CSMD1: variants seen among roughly 807,000 people sequenced by gnomAD.
CSMD1 encodes CUB and sushi domain-containing protein 1.
A neutral mutation model predicts 417.5 loss-of-function variants in CSMD1; 213 were observed. The observed-to-expected ratio is 0.51, with a 90% CI of 0.46 to 0.57. The LOEUF is 0.57. Among genes scored for constraint, CSMD1 ranks in the 20% least tolerant of loss-of-function variants. The pLI, the probability that CSMD1 is intolerant of heterozygous loss-of-function variation, is 0.00. For synonymous variants in CSMD1, 2,862 were observed against 1,736.8 expected (o/e 1.65, Z -16.11); for missense variants, 6,923 against 4,529.7 (o/e 1.53, Z -15.17).
chr8:4,664,231 A>G (rs1395100266), intron 1 of CSMD1, among the ~76,000 whole-genome samples: 1 of 152,208 alleles, frequency 6.6e-6, no homozygotes, highest in Non-Finnish European at 1.5e-5. Context: ...ACATTTAAGA[A>G]ACACTAAAAT....
intron 2 of CSMD1, among the ~76,000 whole-genome samples, chr8:4,608,881 T>C (rs550381474): frequency 6.6e-6 from 1 of 152,344 alleles, no homozygotes; most frequent in East Asian, 1.9e-4. Context: ...CATTTGTTTG[T>C]TCTTTTAAAA....
intron 26 of CSMD1, among the ~76,000 whole-genome samples, chr8:3,245,467 G>C (rs901513791): frequency 6.6e-6 from 1 of 152,156 alleles, no homozygotes; most frequent in Non-Finnish European, 1.5e-5. Context: ...CAGTTCCTTT[G>C]AAATGTATGT....
At chr8:3,496,699 G>A (rs1435475001) in intron 10 of CSMD1, among the ~76,000 whole-genome samples, 1 of 152,008 alleles carries the variant, frequency 6.6e-6, no homozygotes. Flanking sequence ...GGTGGCGTGT[G>A]CCTATAGCCC....
chr8:3,112,727 A>C (rs1455847737), intron 42 of CSMD1, among the ~76,000 whole-genome samples: 1 of 152,214 alleles, frequency 6.6e-6, no homozygotes, highest in Non-Finnish European at 1.5e-5. Flanking sequence ...AGAGATATTA[A>C]GCAAACACTA....
intron 1 of CSMD1, among the ~76,000 whole-genome samples, chr8:4,780,882 C>G (rs1317979287): frequency 6.6e-6 from 1 of 152,212 alleles, no homozygotes; most frequent in African/African-American, 2.4e-5. Context: ...ATCCAGTTCA[C>G]TGAAAACGCT....
intron 7 of CSMD1, among the ~76,000 whole-genome samples, chr8:3,618,256 T>C (rs1430684030): frequency 6.6e-6 from 1 of 152,158 alleles, no homozygotes; most frequent in Non-Finnish European, 1.5e-5. Context: ...ACTCGCACTG[T>C]GGCCTCCTAA....
At chr8:4,965,449 G>A (rs149553674) in intron 1 of CSMD1, among the ~76,000 whole-genome samples, 2 of 152,226 alleles carry the variant, frequency 1.3e-5, no homozygotes, top group East Asian at 1.9e-4. Context: ...AGTTGTCTCA[G>A]TGATAATGCA....
At chr8:4,506,725 G>A (rs1802545264) in intron 2 of CSMD1, among the ~76,000 whole-genome samples, 1 of 152,144 alleles carries the variant, frequency 6.6e-6, no homozygotes, top group Admixed American at 6.6e-5. Context: ...CCTTCAGAGT[G>A]TATTGTTTCA....
intron 1 of CSMD1, among the ~76,000 whole-genome samples, chr8:4,984,461 G>GT (rs980720637): frequency 6.6e-6 from 1 of 152,202 alleles, no homozygotes; most frequent in Admixed American, 6.5e-5. Flanking sequence ...GAGCATCAGT[G>GT]TTTATAGGAC....
At chr8:3,129,974 C>T (rs780723264) in intron 41 of CSMD1, among the ~76,000 whole-genome samples, 2 of 151,468 alleles carry the variant, frequency 1.3e-5, no homozygotes, top group South Asian at 4.2e-4. Flanking sequence ...GAGTGAGACT[C>T]TGTCCCAAAA....
chr8:3,777,752 G>C (rs1023975403), intron 5 of CSMD1, among the ~76,000 whole-genome samples: 4 of 151,282 alleles, frequency 2.6e-5, no homozygotes, highest in Admixed American at 6.6e-5. Context: ...CAGCCTCCTT[G>C]AAGTGCAGAG....
rs1563119662 is a variant in CSMD1 at position 3,182,844 on chromosome 8, GTGT to G, written c.5621-1633_5621-1631del. 296 of 66,408 alleles carry G rather than the reference GTGT, an allele frequency of 4.5e-3. 26 individuals are homozygous for G. Among genetic ancestry groups the G allele is most frequent in the South Asian group, 6.6e-3 (10 of 1,520 alleles). 4.1% of individuals were successfully genotyped at this position (66,408 alleles called of 1,614,324 possible). Reference sequence around the variant, plus strand: ...TCTGGCTGTCTCTTTATAAGAAGGTGTGTGTGTGTGTGTGTGTGTGTGTGTGTG... The same window carrying G: ...TCTGGCTGTCTCTTTATAAGAAGGTGGTGTGTGTGTGTGTGTGTGTGTGTG... On this transcript the variant is annotated intron_variant, in intron 36 of 69. Coordinates refer to ENST00000635120, the MANE Select transcript of CSMD1 (RefSeq NM_033225.6).
At chr8:3,670,736 G>GAT (rs373403294) in intron 7 of CSMD1, among the ~76,000 whole-genome samples, 50 of 7,342 alleles carry the variant, frequency 6.8e-3, no homozygotes, top group African/African-American at 0.011. Context: ...ACATGTATGG[G>GAT]ATGTATGTAT....
chr8:4,681,601 C>T (rs530677410), intron 1 of CSMD1, among the ~76,000 whole-genome samples: 80 of 152,256 alleles, frequency 5.3e-4, no homozygotes, highest in African/African-American at 1.9e-3. Context: ...GAACTCGAGC[C>T]TGGTAAATAT....
At chr8:4,816,416 G>A (rs1001235362) in intron 1 of CSMD1, among the ~76,000 whole-genome samples, 5 of 151,950 alleles carry the variant, frequency 3.3e-5, no homozygotes, top group African/African-American at 1.2e-4. Flanking sequence ...GGTGGAGTGA[G>A]GGCGGTTCAC....
intron 1 of CSMD1, among the ~76,000 whole-genome samples, chr8:4,895,843 G>A (rs553052456): frequency 5.9e-5 from 9 of 152,142 alleles, no homozygotes; most frequent in South Asian, 4.2e-4. Flanking sequence ...ACTTTACCAC[G>A]ATATTATTTA....
intron 41 of CSMD1, 94 bp from the exon 42 acceptor site, chr8:3,118,681 A>T (rs1817010733): frequency 1.8e-6 from 2 of 1,125,332 alleles, no homozygotes; most frequent in Non-Finnish European, 1.3e-6. Context: ...ACTGCTTGAG[A>T]TGAAGTTGTT....
At chr8:3,777,980 G>C (rs927584811) in intron 5 of CSMD1, among the ~76,000 whole-genome samples, 3 of 152,174 alleles carry the variant, frequency 2.0e-5, no homozygotes, top group African/African-American at 7.2e-5. Context: ...TTGAAGTGCA[G>C]AGTCTCAGTA....
chr8:3,075,408 A>C (rs1009643683), intron 49 of CSMD1, among the ~76,000 whole-genome samples: 1 of 151,344 alleles, frequency 6.6e-6, no homozygotes, highest in Non-Finnish European at 1.5e-5. Context: ...CAGCCTCCCA[A>C]GTAGCTGGGA....
Sources: gnomAD v4.1 joint callset for allele counts (sites outside exome capture counted in the v4.1 genomes callset) on GRCh38, gnomAD v4.1.1 for gene constraint, MANE v1.5 for transcripts, NCBI Gene and HGNC (gene_info 2026-07-23, HGNC 2026-07-21) for gene names.